The following ADAMTS16 variants were observed in gnomAD, a reference collection of about 807,000 sequenced individuals.
ADAMTS16 encodes the protein ADAM metallopeptidase with thrombospondin type 1 motif 16.
Under a neutral mutation model 145.8 loss-of-function variants are expected in ADAMTS16, and 94 were observed. The ratio of observed to expected loss-of-function variants is 0.64; its 90% CI spans 0.55 to 0.77. The LOEUF (loss-of-function observed/expected upper bound fraction) is 0.77. Among genes scored for constraint, ADAMTS16 ranks in the 30% least tolerant of loss-of-function variants. The probability of loss-of-function intolerance (pLI) is 0.00; values close to 1 mark genes in which losing one functional copy is unlikely to be tolerated. For missense variants in ADAMTS16, 1,585 were observed against 1,591.5 expected (o/e 1.00, Z 0.07); for synonymous variants, 659 against 604.3 (o/e 1.09, Z -1.33).
At chr5:5,283,796 A>T (rs4277882) in intron 18 of ADAMTS16, among the ~76,000 whole-genome samples, 147,598 of 152,310 alleles carry the variant, frequency 0.97, 71,671 homozygotes, top group East Asian at 1. Context: ...GTGCACCTCA[A>T]TCTATAACCT....
chr5:5,278,599 T>C (rs1738785488), intron 18 of ADAMTS16, among the ~76,000 whole-genome samples: 1 of 152,214 alleles, frequency 6.6e-6, no homozygotes, highest in South Asian at 2.1e-4. Context: ...TTCCAAAAGA[T>C]ATATCAACTT....
intron 3 of ADAMTS16, among the ~76,000 whole-genome samples, chr5:5,177,151 G>A (rs978612414): frequency 5.3e-5 from 8 of 152,206 alleles, no homozygotes; most frequent in East Asian, 1.9e-4. Context: ...TGGGGTTTGC[G>A]AGAAACCAAG....
chr5:5,164,798 T>C (rs1356618111), intron 3 of ADAMTS16, among the ~76,000 whole-genome samples: 1 of 152,156 alleles, frequency 6.6e-6, no homozygotes, highest in African/African-American at 2.4e-5. Flanking sequence ...TGCCTCAGCC[T>C]CCCGAGTAGC....
At chr5:5,198,767 C>A (rs183996682) in intron 8 of ADAMTS16, among the ~76,000 whole-genome samples, 4 of 152,314 alleles carry the variant, frequency 2.6e-5, no homozygotes, top group Admixed American at 2.6e-4. Context: ...TCAGCCTAGG[C>A]AACAAGTACA....
At chr5:5,282,591 C>A (rs1181997425) in intron 18 of ADAMTS16, among the ~76,000 whole-genome samples, 1 of 152,200 alleles carries the variant, frequency 6.6e-6, no homozygotes, top group East Asian at 1.9e-4. Context: ...TGCAGTGGTT[C>A]CTAAAGCTTA....
Position 5,306,694 on chromosome 5 carries a change from C to A in ADAMTS16, c.3377C>A (p.Ser1126Ter). The change falls in exon 21 of 23, where the codon TCG (serine) becomes TAG (stop). Residue 1126 changes from serine (S) to a stop codon, truncating the protein, a stop_gained. Transcript: ENST00000274181. LOFTEE classifies it high-confidence loss of function. ...CCCCCATTTGCTGCTGCGGGACCCT[C>A]GAGGGGCAGCTGGTTTGCCTCACCC... Reference protein sequence around the residue: ...RHPPFAAAGPSRGSWFASPWS... With the variant: ...RHPPFAAAGP The A allele has an allele frequency of 6.2e-7, 1 of 1,612,980 alleles. No individual in the cohort carries two copies. Among genetic ancestry groups the A allele is most frequent in the Non-Finnish European group, 8.5e-7 (1 of 1,179,648 alleles).
chr5:5,227,589 A>G (rs1323652432), intron 11 of ADAMTS16, among the ~76,000 whole-genome samples: 1 of 152,028 alleles, frequency 6.6e-6, no homozygotes, highest in African/African-American at 2.4e-5. Context: ...CCTTAGCAGA[A>G]GATACAGTGC....
chr5:5,186,347 T>G, intron 5 of ADAMTS16, 96 bp downstream of exon 5: 1 of 1,138,268 alleles, frequency 8.8e-7, no homozygotes. Flanking sequence ...TCCATTTTAC[T>G]TGTTACCTGT....
chr5:5,201,867 CCT>C (rs1735968129), intron 9 of ADAMTS16, among the ~76,000 whole-genome samples: 1 of 152,188 alleles, frequency 6.6e-6, no homozygotes, highest in South Asian at 2.1e-4. Context: ...TCTCAACCGG[CCT>C]CTCTGGTTCC....
chr5:5,266,402 C>T (rs1376959677), intron 18 of ADAMTS16, among the ~76,000 whole-genome samples: 1 of 152,180 alleles, frequency 6.6e-6, no homozygotes, highest in Non-Finnish European at 1.5e-5. Flanking sequence ...CTGGTGACCC[C>T]AGGGCAGCAG....
In ADAMTS16 at chr5:5,319,351, G is replaced by A. The variant is rs1038231479; in HGVS notation, c.*213G>A. On this transcript the variant is annotated 3_prime_UTR_variant, in exon 23 of 23. Coordinates refer to ENST00000274181, the MANE Select transcript of ADAMTS16 (RefSeq NM_139056.4). The stretch of plus-strand genomic sequence containing the variant: ...CCCATGCACACAGTGTCTCCTGTCA[G>A]GCTGAAATGTGGCACCCTGGCAGAC... The A allele has an allele frequency of 3.7e-6, 2 of 543,964 alleles. No homozygotes were observed. The highest frequency in any genetic ancestry group is 6.6e-6 in the Non-Finnish European group (2 of 302,682). 33.7% of individuals were successfully genotyped at this position (543,964 alleles called of 1,614,324 possible).
intron 17 of ADAMTS16, among the ~76,000 whole-genome samples, chr5:5,249,437 A>C (rs143546543): frequency 5.9e-5 from 9 of 152,248 alleles, no homozygotes; most frequent in Non-Finnish European, 1.2e-4. Flanking sequence ...GACTCCCTGC[A>C]TGAGACCCGT....
intron 10 of ADAMTS16, among the ~76,000 whole-genome samples, chr5:5,215,870 G>GTGTATATATATATATATA (rs1260354840): frequency 9.8e-6 from 1 of 101,642 alleles, no homozygotes; most frequent in Admixed American, 1.1e-4. Flanking sequence ...GTGTGTATGT[G>GTGTATATATATATATATA]TATATATATA....
intron 2 of ADAMTS16, among the ~76,000 whole-genome samples, chr5:5,143,056 A>C (rs1474743866): frequency 6.6e-6 from 1 of 152,216 alleles, no homozygotes; most frequent in Non-Finnish European, 1.5e-5. Context: ...AATCTAACTC[A>C]AGGTGGATTA....
chr5:5,314,243 A>T (rs1318354076), intron 21 of ADAMTS16, among the ~76,000 whole-genome samples: 1 of 152,234 alleles, frequency 6.6e-6, no homozygotes, highest in African/African-American at 2.4e-5. Flanking sequence ...AGAGGGACTT[A>T]GAGCAGGCCT....
intron 18 of ADAMTS16, among the ~76,000 whole-genome samples, chr5:5,293,492 CTG>C (rs1220167806): frequency 4.6e-5 from 7 of 152,144 alleles, no homozygotes; most frequent in Non-Finnish European, 7.3e-5. Context: ...CCTTTCAGCA[CTG>C]TCAGAAAAGA....
chr5:5,182,318 G>A lies in ADAMTS16; in HGVS notation c.763+13G>A, dbSNP rs571172478. 2.5e-5 allele frequency: 40 copies of A among 1,602,116 alleles called. No individual in the cohort carries two copies. The highest frequency in any genetic ancestry group is 2.2e-4 in the South Asian group (20 of 90,234). On this transcript the variant is annotated intron_variant, in intron 4 of 22. Transcript: ENST00000274181. ...AGACGCAAGAAATGTATGTAAGGGCGAATCTTTGTGTGTATTTAGTGATGC... is the reference window on the plus strand; with the variant it reads ...AGACGCAAGAAATGTATGTAAGGGCAAATCTTTGTGTGTATTTAGTGATGC...
intron 3 of ADAMTS16, among the ~76,000 whole-genome samples, chr5:5,156,340 C>A (rs974362508): frequency 1.3e-5 from 2 of 152,100 alleles, no homozygotes; most frequent in South Asian, 4.1e-4. Flanking sequence ...TATAGTAAAG[C>A]CCTCAATAAA....
intron 17 of ADAMTS16, among the ~76,000 whole-genome samples, chr5:5,250,070 T>C (rs1737573723): frequency 6.6e-6 from 1 of 152,192 alleles, no homozygotes; most frequent in Non-Finnish European, 1.5e-5. Context: ...GTGTGTCCAC[T>C]GAGTCTGAGG....
Sources: gnomAD v4.1 joint callset for allele counts (sites outside exome capture counted in the v4.1 genomes callset) on GRCh38, gnomAD v4.1.1 for gene constraint, MANE v1.5 for transcripts, NCBI Gene and HGNC (gene_info 2026-07-23, HGNC 2026-07-21) for gene names.